ELAVL2: variants seen among roughly 807,000 people sequenced by gnomAD.
The protein encoded by ELAVL2 is ELAV-like protein 2.
In ELAVL2, 4 loss-of-function variants were observed where a neutral mutation model predicts 34.6. That is an observed-to-expected ratio of 0.12 (90% CI 0.06 to 0.26). The LOEUF (loss-of-function observed/expected upper bound fraction) is 0.26. Among genes scored for constraint, ELAVL2 ranks in the 10% least tolerant of loss-of-function variants. The pLI is 1.00. For synonymous variants in ELAVL2, 193 were observed against 154.8 expected, an observed-to-expected ratio of 1.25 and a Z score of -1.83; for missense variants, 432 against 442.8, an observed-to-expected ratio of 0.98 and a Z score of 0.22.
chr9:23,725,015 T>C (rs1479128069), intron 3 of ELAVL2, among the ~76,000 whole-genome samples: 1 of 152,200 alleles, frequency 6.6e-6, no homozygotes, highest in Non-Finnish European at 1.5e-5. Context: ...TGAGGGGTAC[T>C]TTGTAGACGA....
intron 1 of ELAVL2, among the ~76,000 whole-genome samples, chr9:23,766,938 T>G (rs2136180812): frequency 6.6e-6 from 1 of 152,310 alleles, no homozygotes. Flanking sequence ...GAGCCATTAA[T>G]TTTAAGGCTT....
At chr9:23,710,633 C>G (rs1349858312) in intron 3 of ELAVL2, among the ~76,000 whole-genome samples, 1 of 152,200 alleles carries the variant, frequency 6.6e-6, no homozygotes, top group Non-Finnish European at 1.5e-5. Flanking sequence ...AAATTAGACA[C>G]TTGCCACTTT....
At chr9:23,737,908 C>T (rs953763430) in intron 2 of ELAVL2, among the ~76,000 whole-genome samples, 1 of 152,158 alleles carries the variant, frequency 6.6e-6, no homozygotes, top group Non-Finnish European at 1.5e-5. Context: ...CATAAAACTG[C>T]ATGCCTTAAC....
intron 1 of ELAVL2, among the ~76,000 whole-genome samples, chr9:23,780,100 A>G (rs1245390381): frequency 1.3e-5 from 2 of 150,960 alleles, no homozygotes; most frequent in Admixed American, 6.6e-5. Flanking sequence ...TCTGCAGAGA[A>G]TATCATCTAT....
chr9:23,698,365 T>TTG (rs752955015), intron 5 of ELAVL2, among the ~76,000 whole-genome samples: 29 of 152,338 alleles, frequency 1.9e-4, no homozygotes, highest in Admixed American at 7.8e-4. Context: ...AATTCTCTGA[T>TTG]TATTCATAGA....
intron 1 of ELAVL2, among the ~76,000 whole-genome samples, chr9:23,782,010 G>C (rs192680698): frequency 6.6e-6 from 1 of 151,916 alleles, no homozygotes; most frequent in African/African-American, 2.4e-5. Context: ...TTGTGGAGAC[G>C]AGGTTTTGCC....
At chr9:23,752,471 GTTT>G (rs375710254) in intron 2 of ELAVL2, among the ~76,000 whole-genome samples, 1 of 143,780 alleles carries the variant, frequency 7.0e-6, no homozygotes, top group African/African-American at 2.5e-5. Context: ...ACTTTTTTTT[GTTT>G]TTTTTTTTTG....
intron 1 of ELAVL2, among the ~76,000 whole-genome samples, chr9:23,787,571 AC>A (rs377270763): frequency 0.075 from 10,765 of 144,218 alleles, 457 homozygotes; most frequent in Middle Eastern, 0.16. Flanking sequence ...GCTTAAAAAA[AC>A]AAAAAAAAAA....
chr9:23,830,900 G>T (rs1288848355), upstream of ELAVL2, among the ~76,000 whole-genome samples: 1 of 151,510 alleles, frequency 6.6e-6, no homozygotes, highest in African/African-American at 2.4e-5. Context: ...CGAGGGTGAA[G>T]GAAAAAAAAC....
intron 2 of ELAVL2, among the ~76,000 whole-genome samples, chr9:23,741,522 C>T (rs1006367177): frequency 1.3e-5 from 2 of 151,428 alleles, no homozygotes; most frequent in Non-Finnish European, 2.9e-5. Context: ...CTCTTTATTC[C>T]TTCCCTCTCT....
chr9:23,798,613 ACATTTCATATAAAGTAT>A (rs1180257141), intron 1 of ELAVL2, among the ~76,000 whole-genome samples: 10 of 152,212 alleles, frequency 6.6e-5, no homozygotes, highest in Non-Finnish European at 1.5e-5. Context: ...TGTTACTGTA[ACATTTCATATAAAGTAT>A]CAGAATATGG....
rs112806534 is a variant in ELAVL2, at chr9:23,733,537, A to G, written c.230-2412T>C. Among the ~76,000 whole-genome samples the G allele has an allele frequency of 2.2e-4, 33 of 152,308 alleles. 2 individuals carry two copies. Among genetic ancestry groups the G allele is most frequent in the African/African-American group, 7.7e-4 (32 of 41,556 alleles). On this transcript the variant is annotated intron_variant, in intron 2 of 6. Coordinates refer to ENST00000397312, the MANE Select transcript of ELAVL2 (RefSeq NM_004432.5). ...CTTGCAGGGATGACTGCTGTTTCACAGTTGCGTTGTTTAGGTACACGTGGA... is the reference window on the plus strand; with the variant it reads ...CTTGCAGGGATGACTGCTGTTTCACGGTTGCGTTGTTTAGGTACACGTGGA...
chr9:23,761,489 T>C (rs1438481353), intron 2 of ELAVL2, among the ~76,000 whole-genome samples: 4 of 152,210 alleles, frequency 2.6e-5, no homozygotes, highest in East Asian at 1.9e-4. Flanking sequence ...CTTTCCTTGT[T>C]AAGGAACGGA....
At chr9:23,829,392 G>A (rs939274927), upstream of ELAVL2, among the ~76,000 whole-genome samples, 1 of 152,198 alleles carries the variant, frequency 6.6e-6, no homozygotes, top group Non-Finnish European at 1.5e-5. Context: ...AAGGGAAGGA[G>A]TGATTTTACA....
intron 2 of ELAVL2, among the ~76,000 whole-genome samples, chr9:23,744,235 T>C (rs1270460097): frequency 6.6e-6 from 1 of 152,206 alleles, no homozygotes; most frequent in African/African-American, 2.4e-5. Context: ...GATTCTGATG[T>C]GCGTGTTAGA....
chr9:23,818,794 T>C (rs1334400167), intron 1 of ELAVL2, among the ~76,000 whole-genome samples: 1 of 152,120 alleles, frequency 6.6e-6, no homozygotes, highest in Non-Finnish European at 1.5e-5. Flanking sequence ...AGACAAGTCA[T>C]CAAAAAGGGG....
Position 23,762,065 on chromosome 9 carries a change from C to G in ELAVL2, c.170G>C (p.Ser57Thr). The part of the protein sequence containing the change: ...PQNMTQEELK[S>T]LFGSIGEIES... ...TATTTCACCAATGCTCCCAAAGAGACTCTTTAGTTCCTCCTGTGTCATGTT... is the reference window on the plus strand; with the variant it reads ...TATTTCACCAATGCTCCCAAAGAGAGTCTTTAGTTCCTCCTGTGTCATGTT... The change falls in exon 2 of 7, where the codon AGT becomes ACT. Residue 57 changes from serine to threonine, a missense_variant. Coordinates refer to ENST00000397312, the MANE Select transcript of ELAVL2 (RefSeq NM_004432.5). 1 of 1,613,408 alleles carries G rather than the reference C, an allele frequency of 6.2e-7. No homozygotes were observed. The highest frequency in any genetic ancestry group is 8.5e-7 in the Non-Finnish European group (1 of 1,179,544).
rs2053614433 is a variant in ELAVL2 at position 23,756,601 on chromosome 9, C to T, written c.229+5405G>A. Among the ~76,000 whole-genome samples the T allele has an allele frequency of 2.0e-5, 3 of 152,092 alleles. No individual in the cohort carries two copies. In the South Asian group the frequency reaches 6.2e-4, roughly 32 times the overall value. On this transcript the variant is annotated intron_variant, in intron 2 of 6. Coordinates refer to ENST00000397312, the MANE Select transcript of ELAVL2 (RefSeq NM_004432.5). ...ATGCTCGCACACGTGCTTTCAGCAA[C>T]ATATCAGATCAGTAAGGACACAGCC...
chr9:23,838,916 T>A, the ELAVL2 span, among the ~76,000 whole-genome samples: 1 of 152,212 alleles, frequency 6.6e-6, no homozygotes, highest in Non-Finnish European at 1.5e-5. Flanking sequence ...AACAGTCACC[T>A]GAGTTAATTC....
Sources: allele counts gnomAD v4.1 joint callset (sites outside exome capture counted in the v4.1 genomes callset), GRCh38; gene constraint gnomAD v4.1.1; transcripts MANE v1.5; gene names NCBI Gene and HGNC (gene_info 2026-07-23, HGNC 2026-07-21).